The following SAMM50 variants were observed in gnomAD, a reference collection of about 807,000 sequenced individuals.
The protein encoded by SAMM50 is sorting and assembly machinery component 50 homolog.
In SAMM50, 47 loss-of-function variants were observed where a neutral mutation model predicts 66.9. That is an observed-to-expected ratio of 0.70 (90% confidence interval 0.56 to 0.90). SAMM50 has a LOEUF of 0.90. Among genes scored for constraint, SAMM50 ranks in the 40% least tolerant of loss-of-function variants. SAMM50 has a pLI of 0.00. For synonymous variants in SAMM50, 191 were observed against 214.1 expected, an observed-to-expected ratio of 0.89 and a Z score of 0.94; for missense variants, 535 against 595.3, an observed-to-expected ratio of 0.90 and a Z score of 1.05.
At chr22:43,972,847 TA>T (rs769144592) in intron 5 of SAMM50, 23 bp from the exon 6 acceptor site, 3 of 1,492,656 alleles carry the variant, frequency 2.0e-6, no homozygotes, top group Middle Eastern at 1.7e-4. Flanking sequence ...AGACCACTGC[TA>T]TTTTTTTTTT....
intron 14 of SAMM50, among the ~76,000 whole-genome samples, chr22:43,992,306 A>G (rs2050329053): frequency 6.6e-6 from 1 of 152,202 alleles, no homozygotes; most frequent in African/African-American, 2.4e-5. Context: ...CTTTACGGTT[A>G]TTGCTTCAGC....
At chr22:43,974,125 G>C (rs1233035910) in intron 7 of SAMM50, among the ~76,000 whole-genome samples, 1 of 151,972 alleles carries the variant, frequency 6.6e-6, no homozygotes, top group Non-Finnish European at 1.5e-5. Context: ...TGTAAGAGTC[G>C]TTCCCCACAT....
intron 12 of SAMM50, chr22:43,988,870 C>T (rs1013915531): frequency 5.2e-6 from 2 of 386,424 alleles, no homozygotes; most frequent in South Asian, 7.9e-5. Flanking sequence ...CCTTCCTCAA[C>T]GACATTGGCT....
intron 3 of SAMM50, among the ~76,000 whole-genome samples, chr22:43,966,326 G>A (rs1423363314): frequency 2.6e-5 from 4 of 151,930 alleles, no homozygotes; most frequent in Admixed American, 2.6e-4. Context: ...TGATGCAGCC[G>A]TATTGCTCTG....
At chr22:43,968,059 T>A (rs3788603) in intron 3 of SAMM50, among the ~76,000 whole-genome samples, 26,911 of 150,976 alleles carry the variant, frequency 0.18, 2,798 homozygotes, top group East Asian at 0.34. Context: ...CTATGTCTGC[T>A]AAACATACAA....
At chr22:43,961,842 C>T (rs1339544539) in intron 1 of SAMM50, among the ~76,000 whole-genome samples, 1 of 152,172 alleles carries the variant, frequency 6.6e-6, no homozygotes, top group Non-Finnish European at 1.5e-5. Context: ...CTGGGCCTCT[C>T]AGAGTGCTGG....
At chr22:43,968,263 G>GA (rs1335519104) in intron 3 of SAMM50, among the ~76,000 whole-genome samples, 9 of 124,584 alleles carry the variant, frequency 7.2e-5, no homozygotes, top group Middle Eastern at 7.5e-3. Context: ...AAGAAAAAAA[G>GA]AAAAAAAAAG....
In SAMM50 at chr22:43,955,548, C is replaced by A; in HGVS notation, c.-30C>A. ...CAGACGCTCTGTCCCGCCCGGGCAG[C>A]TCTGCGAGGCAGCGGCTGGAGAGGG... On this transcript the variant is annotated 5_prime_UTR_variant, in exon 1 of 15. Transcript: ENST00000350028. 1.3e-6 allele frequency: 2 copies of A among 1,595,904 alleles called. No individual in the cohort carries two copies. Among genetic ancestry groups the A allele is most frequent in the Non-Finnish European group, 8.5e-7 (1 of 1,172,064 alleles).
intron 12 of SAMM50, among the ~76,000 whole-genome samples, chr22:43,985,418 T>C (rs1188933827): frequency 6.6e-6 from 1 of 152,046 alleles, no homozygotes; most frequent in African/African-American, 2.4e-5. Flanking sequence ...GTTTTGCCTT[T>C]TCCAGACAGT....
Position 43,992,498 on chromosome 22 carries a change from C to G in SAMM50, c.1364+2092C>G, listed in dbSNP as rs549475888. ...CTCCACGCCTCTCCTGTTCTCCACA[C>G]AAAGCCCAAGCTGGAAAGGGTGTAG... On this transcript the variant is annotated intron_variant, in intron 14 of 14. Coordinates refer to ENST00000350028, the MANE Select transcript of SAMM50 (RefSeq NM_015380.5). Among the ~76,000 whole-genome samples, 12 of 152,336 alleles carry G rather than the reference C, an allele frequency of 7.9e-5. No homozygotes were observed. The South Asian group carries it at 1.0e-3, about 13-fold the overall frequency.
intron 13 of SAMM50, 95 bp from the exon 14 acceptor site, chr22:43,990,170 G>A (rs895939521): frequency 5.8e-5 from 84 of 1,458,050 alleles, no homozygotes; most frequent in Non-Finnish European, 7.8e-5. Flanking sequence ...ACAACTGCAG[G>A]GCCCAGCCAG....
intron 1 of SAMM50, among the ~76,000 whole-genome samples, chr22:43,962,521 T>G (rs990202860): frequency 2.0e-5 from 3 of 152,194 alleles, no homozygotes; most frequent in Admixed American, 2.0e-4. Context: ...CAATTCAGAT[T>G]ATAGAAAGAG....
Position 43,981,401 on chromosome 22 carries a change from C to G in SAMM50, c.947C>G (p.Ala316Gly). ...TTTCTATTTGAACAGGTTTTTTCAG[C>G]GTCTTTCTGGGGCGGAATGTTGGTA... ...KQLIFDSVFS[A>G]SFWGGMLVPI... The change falls in exon 11 of 15, where the codon GCG (alanine) becomes GGG (glycine). Residue 316 changes from alanine (A) to glycine (G), a missense_variant. Physicochemically the swap from Ala to Gly is moderately conservative, Grantham distance 60. Transcript: ENST00000350028. 1 of 1,613,286 alleles carries G rather than the reference C, an allele frequency of 6.2e-7. No individual in the cohort carries two copies. The highest frequency in any genetic ancestry group is 2.2e-5 in the East Asian group (1 of 44,862).
At position 43,989,237 on chromosome 22, in the gene SAMM50, A is replaced by G. The variant is rs1281425591; in HGVS notation, c.1202A>G (p.Asn401Ser). 6.2e-6 allele frequency: 10 copies of G among 1,613,918 alleles called. No homozygotes were observed. The South Asian group carries it at 8.8e-5, about 14-fold the overall frequency. The change falls in exon 13 of 15, where the codon AAC becomes AGC. Residue 401 changes from asparagine to serine, a missense_variant. Coordinates refer to ENST00000350028, the MANE Select transcript of SAMM50 (RefSeq NM_015380.5). ...ACACACTTCTTTCTCAACGCAGGAA[A>G]CCTCTGCAACCTCAACTATGGTAAA... ...FRTHFFLNAG[N>S]LCNLNYGEGP...
At chr22:43,966,318 A>T (rs756378004) in intron 3 of SAMM50, among the ~76,000 whole-genome samples, 35 of 151,330 alleles carry the variant, frequency 2.3e-4, no homozygotes, top group Non-Finnish European at 4.1e-4. Flanking sequence ...GTGTTCACTG[A>T]TGCAGCCGTA....
intron 5 of SAMM50, 40 bp downstream of exon 5, chr22:43,972,382 G>A: frequency 7.7e-7 from 1 of 1,292,652 alleles, no homozygotes; most frequent in East Asian, 2.4e-5. Context: ...TTGGAACTTA[G>A]AGTTGGGAAC....
chr22:43,976,907 C>T, intron 9 of SAMM50, 86 bp downstream of exon 9: 6 of 491,310 alleles, frequency 1.2e-5, no homozygotes, highest in East Asian at 5.5e-5. Flanking sequence ...CTGGGTGGGC[C>T]TGGGGGTGGG....
chr22:43,965,184 T>TAAAA (rs34840511), intron 3 of SAMM50, among the ~76,000 whole-genome samples: 2 of 133,052 alleles, frequency 1.5e-5, no homozygotes, highest in African/African-American at 2.9e-5. Context: ...CATTCCCACT[T>TAAAA]AAAAAAAAAA....
intron 3 of SAMM50, 43 bp from the exon 4 acceptor site, chr22:43,968,688 C>A: frequency 7.3e-7 from 1 of 1,363,666 alleles, no homozygotes; most frequent in Non-Finnish European, 1.1e-6. Context: ...GTTTCTGTAT[C>A]GTAGAAGAAT....
Sources: allele counts gnomAD v4.1 joint callset (sites outside exome capture counted in the v4.1 genomes callset), GRCh38; gene constraint gnomAD v4.1.1; transcripts MANE v1.5; gene names NCBI Gene and HGNC (gene_info 2026-07-23, HGNC 2026-07-21).